The following GSG1 variants were observed in gnomAD, a reference collection of about 807,000 sequenced individuals.
The protein encoded by GSG1 is germ cell-specific gene 1 protein.
Under a neutral mutation model 30.8 loss-of-function variants are expected in GSG1, and 28 were observed. The observed-to-expected ratio is 0.91, with a 90% CI of 0.67 to 1.25. The LOEUF is 1.25. Among genes scored for constraint, GSG1 ranks in the 50% most tolerant of loss-of-function variants. The probability of loss-of-function intolerance (pLI) is 0.00; values close to 1 mark genes in which losing one functional copy is unlikely to be tolerated. For synonymous variants in GSG1, 162 were observed against 178.0 expected, an observed-to-expected ratio of 0.91 and a Z score of 0.71; for missense variants, 435 against 444.7, an observed-to-expected ratio of 0.98 and a Z score of 0.20.
chr12:13,089,484 T>C, intron 2 of GSG1: 1 of 679,554 alleles, frequency 1.5e-6, no homozygotes, highest in Non-Finnish European at 2.3e-6. Flanking sequence ...TGTCTTCAGC[T>C]CATTCCTCCA....
At position 13,084,992 on chromosome 12, in the gene GSG1, T is replaced by C; in HGVS notation, c.998A>G (p.Tyr333Cys). The change falls in exon 7 of 7, where the codon TAC becomes TGC. Residue 333 changes from tyrosine (Y) to cysteine (C), a missense_variant. Transcript: ENST00000651961. ...AAATCCCTTGTTCCGCAGCTCGGAG[T>C]AGAAGTCGACTCCCTCAGAGACAGA... ...IHSVSEGVDF[Y>C]SELRNKGFQR... The C allele has an allele frequency of 6.4e-7, 1 of 1,553,954 alleles. No individual in the cohort carries two copies. The highest frequency in any genetic ancestry group is 8.7e-7 in the Non-Finnish European group (1 of 1,148,084).
intron 1 of GSG1, among the ~76,000 whole-genome samples, chr12:13,103,175 G>T (rs899765251): frequency 1.3e-5 from 2 of 152,250 alleles, no homozygotes; most frequent in African/African-American, 2.4e-5. Context: ...CCTGGGAACA[G>T]AAAGGAGAAG....
chr12:13,093,408 T>C lies in GSG1; in HGVS notation c.49-2590A>G, dbSNP rs1050720765. On this transcript the variant is annotated intron_variant, in intron 1 of 6. Coordinates refer to ENST00000651961, the MANE Select transcript of GSG1 (RefSeq NM_001080555.4). This position sits in a 1 kb window ranked among gnomAD's most constrained non-coding sequence, Gnocchi z 4.6. ...CTCTGAAAGGAGTCATAGCAATGAA[T>C]ATTAAACTGGAAATCTCCGGGGGAA... 7.2e-5 allele frequency among the ~76,000 whole-genome samples: 11 copies of C among 152,184 alleles called. No homozygotes were observed. The highest frequency in any genetic ancestry group is 2.7e-4 in the African/African-American group (11 of 41,442).
chr12:13,099,763 T>TTTTGTTTTTG (rs1863053182), intron 1 of GSG1, among the ~76,000 whole-genome samples: 1 of 148,568 alleles, frequency 6.7e-6, no homozygotes, highest in African/African-American at 2.5e-5. Flanking sequence ...TTTTTTTTTT[T>TTTTGTTTTTG]TTTTTGTTTT....
chr12:13,085,324 G>C (rs1266332872), intron 6 of GSG1, 81 bp from the exon 7 acceptor site: 2 of 1,291,700 alleles, frequency 1.5e-6, no homozygotes, highest in African/African-American at 3.0e-5. Flanking sequence ...CTTCCTACTA[G>C]TGGACTAGCT....
At position 13,084,760 on chromosome 12, in the gene GSG1, T is replaced by G. The variant is rs556613990; in HGVS notation, c.*141A>C. Reference sequence around the variant, plus strand: ...GTGGCACCCAGGAATCCCTTAGGACTTAAAGATAACCCTTATTCATAGCCT... The same window carrying G: ...GTGGCACCCAGGAATCCCTTAGGACGTAAAGATAACCCTTATTCATAGCCT... On this transcript the variant is annotated 3_prime_UTR_variant, in exon 7 of 7. Transcript: ENST00000651961. 5 of 601,590 alleles carry G rather than the reference T, an allele frequency of 8.3e-6. No homozygotes were observed. Among genetic ancestry groups the G allele is most frequent in the Non-Finnish European group, 1.4e-5 (5 of 345,034 alleles). 37.3% of individuals were successfully genotyped at this position (601,590 alleles called of 1,614,324 possible). A position where few individuals can be genotyped will look rare whatever the true frequency, so the allele number is the denominator to read the frequency against.
chr12:13,092,789 CTTTT>C (rs139352942), intron 1 of GSG1, among the ~76,000 whole-genome samples: 26 of 144,472 alleles, frequency 1.8e-4, no homozygotes, highest in Non-Finnish European at 1.4e-4. Flanking sequence ...TAAACTTTTT[CTTTT>C]TTTTTTTTTT....
intron 1 of GSG1, among the ~76,000 whole-genome samples, chr12:13,094,721 T>A (rs965439253): frequency 6.6e-6 from 1 of 152,236 alleles, no homozygotes; most frequent in Non-Finnish European, 1.5e-5. Flanking sequence ...TAGGCAATTC[T>A]AACTTTTGTG....
At position 13,088,075 on chromosome 12, in the gene GSG1, G is replaced by C; in HGVS notation, c.482-16C>G. 6.2e-7 allele frequency: 1 copy of C among 1,614,044 alleles called. No homozygotes were observed. The highest frequency in any genetic ancestry group is 8.5e-7 in the Non-Finnish European group (1 of 1,179,936). ...CATAGGATTTCTGCCAGAAACCAGAGGAAGAGGGAGCGCTCACCCTGACAG... is the reference window on the plus strand; with the variant it reads ...CATAGGATTTCTGCCAGAAACCAGACGAAGAGGGAGCGCTCACCCTGACAG... On this transcript the variant is annotated splice_polypyrimidine_tract_variant and intron_variant, in intron 4 of 6. Coordinates refer to ENST00000651961, the MANE Select transcript of GSG1 (RefSeq NM_001080555.4).
At chr12:13,090,464 C>T (rs528021155) in intron 2 of GSG1, 39 bp downstream of exon 2, 8 of 1,568,282 alleles carry the variant, frequency 5.1e-6, no homozygotes, top group African/African-American at 2.7e-5. Context: ...CCTTGCCCGC[C>T]CTGACCCCGT....
In GSG1 at chr12:13,095,539, G is replaced by A; in HGVS notation, c.49-4721C>T. ...TGAGGCAGGTGCACTTCTTAAAAGA[G>A]CCAGGTACAAAATAGCTGTAGACTG... On this transcript the variant is annotated intron_variant, in intron 1 of 6. Transcript: ENST00000651961. 3 of 1,510,176 alleles carry A rather than the reference G, an allele frequency of 2.0e-6. No homozygotes were observed. In the South Asian group the frequency reaches 3.4e-5, roughly 17 times the overall value. The allele number at this position is 1,510,176 out of a possible 1,614,324, so 93.5% of individuals were successfully genotyped here. A position where few individuals can be genotyped will look rare whatever the true frequency, so the allele number is the denominator to read the frequency against.
At chr12:13,092,241 G>A (rs951332642) in intron 1 of GSG1, among the ~76,000 whole-genome samples, 5 of 152,086 alleles carry the variant, frequency 3.3e-5, no homozygotes, top group Non-Finnish European at 7.4e-5. Context: ...TAGGGAGGAT[G>A]TATGTGTGTG....
intron 1 of GSG1, among the ~76,000 whole-genome samples, chr12:13,091,124 C>T (rs1350060404): frequency 6.6e-6 from 1 of 152,178 alleles, no homozygotes; most frequent in Admixed American, 6.5e-5. Flanking sequence ...CCAAGGCTAG[C>T]CACAGAAACT....
At chr12:13,095,811 A>G (rs906115434) in intron 1 of GSG1, 8 of 1,475,816 alleles carry the variant, frequency 5.4e-6, no homozygotes, top group African/African-American at 1.4e-5. Context: ...ATAATTGACA[A>G]GGCAATCAGG....
chr12:13,096,088 A>G (rs754403534), intron 1 of GSG1, among the ~76,000 whole-genome samples: 5 of 152,158 alleles, frequency 3.3e-5, no homozygotes, highest in African/African-American at 7.2e-5. Flanking sequence ...AAGAAACTCT[A>G]TTCTCTGCAA....
rs553039426 is a variant in GSG1 at position 13,101,012 on chromosome 12, G to A, written c.48+2453C>T. Among the ~76,000 whole-genome samples, 2 of 152,338 alleles carry A rather than the reference G, an allele frequency of 1.3e-5. No individual in the cohort carries two copies. Among genetic ancestry groups the A allele is most frequent in the South Asian group, 4.1e-4 (2 of 4,826 alleles). On this transcript the variant is annotated intron_variant, in intron 1 of 6. Transcript: ENST00000651961. The surrounding 1 kb of genome is among the most constrained non-coding windows in gnomAD (Gnocchi z 5.8). Reference sequence around the variant, plus strand: ...TTAATGGAATTGTTTGAGGACTTTTGCTAATGCAGTCATTTCCAGGAGAGG... The same window carrying A: ...TTAATGGAATTGTTTGAGGACTTTTACTAATGCAGTCATTTCCAGGAGAGG...
chr12:13,091,841 G>A (rs907998673), intron 1 of GSG1, among the ~76,000 whole-genome samples: 5 of 152,150 alleles, frequency 3.3e-5, no homozygotes, highest in Non-Finnish European at 4.4e-5. Flanking sequence ...AGGTTCCCAC[G>A]TCACGTGAAA....
chr12:13,088,634 C>A (rs1291077694), intron 4 of GSG1: 9 of 1,049,118 alleles, frequency 8.6e-6, no homozygotes, highest in South Asian at 1.6e-5. Context: ...ATTTGTGTCA[C>A]CCTTTGGGGC....
At chr12:13,087,112 TGGCTGGGGCTACAAA>T (rs1865609652) in intron 6 of GSG1, 25 bp downstream of exon 6, 2 of 1,382,422 alleles carry the variant, frequency 1.4e-6, no homozygotes, top group African/African-American at 1.4e-5. Context: ...TCGTGAAGGT[TGGCTGGGGCTACAAA>T]GGTTCAGGAG....
Sources: allele counts gnomAD v4.1 joint callset (sites outside exome capture counted in the v4.1 genomes callset), GRCh38; gene constraint gnomAD v4.1.1; non-coding constraint Gnocchi (gnomAD v3.1); transcripts MANE v1.5; gene names NCBI Gene and HGNC (gene_info 2026-07-23, HGNC 2026-07-21).